The following KAZN variants were observed in gnomAD, a reference collection of about 807,000 sequenced individuals.
The protein encoded by KAZN is kazrin.
A neutral mutation model predicts 87.4 loss-of-function variants in KAZN; 40 were observed. The ratio of observed to expected loss-of-function variants is 0.46; its 90% CI spans 0.36 to 0.60. KAZN has a LOEUF of 0.60. Ranked by LOEUF, KAZN falls within the 20% of genes least tolerant of loss-of-function variation. The pLI, the probability that KAZN is intolerant of heterozygous loss-of-function variation, is 0.00. For synonymous variants in KAZN, 466 were observed against 458.3 expected (o/e 1.02, Z -0.22); for missense variants, 898 against 1,073.9 (o/e 0.84, Z 2.29).
chr1:14,141,254 C>A (rs74059708), intron 1 of KAZN, among the ~76,000 whole-genome samples: 3,064 of 37,082 alleles, frequency 0.083, 144 homozygotes, highest in East Asian at 0.35. Flanking sequence ...AAAAAAAAAA[C>A]AAAACTAAAA....
intron 1 of KAZN, among the ~76,000 whole-genome samples, chr1:14,176,253 C>T (rs1325848017): frequency 6.6e-6 from 1 of 152,160 alleles, no homozygotes; most frequent in Non-Finnish European, 1.5e-5. Flanking sequence ...GGATGTATAG[C>T]TTGTCCATGA....
rs183723302 is a variant in KAZN at position 14,979,829 on chromosome 1, A to G, written c.418+18954A>G. Among the ~76,000 whole-genome samples the G allele has an allele frequency of 1.0e-3, 154 of 152,306 alleles. 2 individuals carry two copies. Among genetic ancestry groups the G allele is most frequent in the Admixed American group, 8.9e-3 (136 of 15,304 alleles). On this transcript the variant is annotated intron_variant, in intron 2 of 14. Coordinates refer to ENST00000376030, the MANE Select transcript of KAZN (RefSeq NM_201628.3). ...AATAGTACCTACCCCTTGGTTGTGA[A>G]GATTAAATGAGCTGATTCATAGAGT... is the stretch of plus-strand genomic sequence containing the variant.
At chr1:14,727,981 C>T (rs975044068) in intron 1 of KAZN, among the ~76,000 whole-genome samples, 12 of 151,836 alleles carry the variant, frequency 7.9e-5, no homozygotes, top group African/African-American at 2.7e-4. Context: ...ATAGGGTTTG[C>T]GCTCCTATGA....
At chr1:14,128,424 G>T (rs1019784854) in intron 1 of KAZN, among the ~76,000 whole-genome samples, 7 of 152,140 alleles carry the variant, frequency 4.6e-5, no homozygotes, top group Non-Finnish European at 7.3e-5. Flanking sequence ...ATTTTCTCTG[G>T]GTTCTGGAGG....
intron 1 of KAZN, among the ~76,000 whole-genome samples, chr1:14,600,655 T>C (rs1676882935): frequency 9.4e-6 from 1 of 106,674 alleles, no homozygotes; most frequent in African/African-American, 3.8e-5. Context: ...CATTCTCCAC[T>C]GGAACCTGTG....
Position 14,724,380 on chromosome 1 carries a change from G to T in KAZN, c.226+125157G>T, listed in dbSNP as rs560469481. On this transcript the variant is annotated intron_variant, in intron 1 of 14. Coordinates refer to ENST00000376030, the MANE Select transcript of KAZN (RefSeq NM_201628.3). ...CCAGGGCACAGATGCGTCTGCGGGAGAGCTGGGATTAGAGTCCCCTTGCAC... is the reference window on the plus strand; with the variant it reads ...CCAGGGCACAGATGCGTCTGCGGGATAGCTGGGATTAGAGTCCCCTTGCAC... Among the ~76,000 whole-genome samples the T allele has an allele frequency of 2.6e-5, 4 of 152,284 alleles. No homozygotes were observed. The South Asian group carries it at 8.3e-4, about 32-fold the overall frequency.
intron 1 of KAZN, among the ~76,000 whole-genome samples, chr1:14,096,194 A>T (rs148699126): frequency 4.9e-4 from 74 of 152,290 alleles, no homozygotes; most frequent in Middle Eastern, 6.8e-3. Flanking sequence ...TATTTACATA[A>T]TTTTTTTAAA....
chr1:14,573,560 TCA>T (rs1675000281), intron 2 of KAZN, among the ~76,000 whole-genome samples: 1 of 151,928 alleles, frequency 6.6e-6, no homozygotes, highest in South Asian at 2.1e-4. Context: ...GGCAGAAGAA[TCA>T]CTTAAACCCA....
At chr1:14,655,826 G>A (rs1015419174) in intron 1 of KAZN, among the ~76,000 whole-genome samples, 2 of 152,190 alleles carry the variant, frequency 1.3e-5, no homozygotes, top group Non-Finnish European at 2.9e-5. Context: ...CAGTGGGGAT[G>A]GCACCAGGTT....
At chr1:14,515,125 G>A (rs1226676880) in intron 2 of KAZN, among the ~76,000 whole-genome samples, 1 of 152,056 alleles carries the variant, frequency 6.6e-6, no homozygotes, top group African/African-American at 2.4e-5. Flanking sequence ...AAATCCACCT[G>A]ACACTAGGTC....
intron 8 of KAZN, among the ~76,000 whole-genome samples, chr1:15,084,782 C>T (rs1442306854): frequency 6.6e-6 from 1 of 152,188 alleles, no homozygotes; most frequent in African/African-American, 2.4e-5. Context: ...AAGGCATCTG[C>T]TATTTAGACC....
intron 1 of KAZN, among the ~76,000 whole-genome samples, chr1:14,626,040 T>G (rs1348961460): frequency 6.6e-6 from 1 of 152,222 alleles, no homozygotes; most frequent in Non-Finnish European, 1.5e-5. Context: ...GAACTTTAGT[T>G]GAAAGAGCTG....
At chr1:14,709,208 G>A (rs1311477108) in intron 1 of KAZN, among the ~76,000 whole-genome samples, 1 of 152,200 alleles carries the variant, frequency 6.6e-6, no homozygotes, top group Non-Finnish European at 1.5e-5. Flanking sequence ...AGAGAGCTGA[G>A]ATCCAAACCC....
chr1:14,694,135 C>A (rs568759129), intron 1 of KAZN, among the ~76,000 whole-genome samples: 4 of 152,204 alleles, frequency 2.6e-5, no homozygotes, highest in African/African-American at 7.2e-5. Context: ...CTCTGCTGTG[C>A]TGAAGCTGCA....
intron 1 of KAZN, among the ~76,000 whole-genome samples, chr1:14,668,067 T>C (rs1012463619): frequency 2.6e-5 from 4 of 152,200 alleles, no homozygotes; most frequent in Non-Finnish European, 4.4e-5. Context: ...CTGAGGTTGC[T>C]TTCAAATGCT....
At chr1:14,371,005 A>C (rs1660434448) in intron 2 of KAZN, among the ~76,000 whole-genome samples, 1 of 152,200 alleles carries the variant, frequency 6.6e-6, no homozygotes, top group Admixed American at 6.5e-5. Context: ...ATCTTCTATA[A>C]GACATAATGG....
chr1:14,243,940 G>A (rs1405015377), intron 2 of KAZN, among the ~76,000 whole-genome samples: 1 of 152,144 alleles, frequency 6.6e-6, no homozygotes, highest in Non-Finnish European at 1.5e-5. Flanking sequence ...TACCCTGGGG[G>A]AGCCAAGGAA....
chr1:14,140,211 A>C (rs905810467), intron 1 of KAZN, among the ~76,000 whole-genome samples: 2 of 152,070 alleles, frequency 1.3e-5, no homozygotes, highest in African/African-American at 4.8e-5. Context: ...ATCAGTTAGA[A>C]AGTGTGATTT....
intron 2 of KAZN, chr1:14,304,440 G>A: frequency 2.5e-6 from 1 of 393,976 alleles, no homozygotes; most frequent in Non-Finnish European, 4.5e-6. Flanking sequence ...GTGCTGTTCA[G>A]CCTCTATTTC....
Sources: allele counts gnomAD v4.1 joint callset (sites outside exome capture counted in the v4.1 genomes callset), GRCh38; gene constraint gnomAD v4.1.1; transcripts MANE v1.5; gene names NCBI Gene and HGNC (gene_info 2026-07-23, HGNC 2026-07-21).